The following FBXL13 variants were observed in gnomAD, a reference collection of about 807,000 sequenced individuals.
The protein encoded by FBXL13 is F-box and leucine-rich repeat protein 13.
A neutral mutation model predicts 83.6 loss-of-function variants in FBXL13; 67 were observed. That is an observed-to-expected ratio of 0.80 (90% CI 0.66 to 0.98). The LOEUF is 0.98. Among genes scored for constraint, FBXL13 ranks in the 50% least tolerant of loss-of-function variants. The probability of loss-of-function intolerance (pLI) is 0.00; values close to 1 mark genes in which losing one functional copy is unlikely to be tolerated. For missense variants in FBXL13, 822 were observed against 866.5 expected, an observed-to-expected ratio of 0.95 and a Z score of 0.64; for synonymous variants, 272 against 299.5, an observed-to-expected ratio of 0.91 and a Z score of 0.95.
Position 102,963,674 on chromosome 7 carries a change from A to G in FBXL13, c.592-9T>C, listed in dbSNP as rs1387321366. On this transcript the variant is annotated splice_polypyrimidine_tract_variant and intron_variant, in intron 7 of 19. Coordinates refer to ENST00000313221, the Ensembl canonical transcript of FBXL13. ...ACTGAGGAAAAATCAATCTAAAAAGAATAAACAAAATGCATTAAGAAATGA... is the reference window on the plus strand; with the variant it reads ...ACTGAGGAAAAATCAATCTAAAAAGGATAAACAAAATGCATTAAGAAATGA... 3 of 1,585,708 alleles carry G rather than the reference A, an allele frequency of 1.9e-6. No homozygotes were observed. The East Asian group carries it at 6.7e-5, about 36-fold the overall frequency.
chr7:102,903,939 C>CTTTTCTTTTTTTTTTTTTTTTTT (rs1321420603), intron 11 of FBXL13, among the ~76,000 whole-genome samples: 44 of 43,454 alleles, frequency 1.0e-3, no homozygotes, highest in East Asian at 3.9e-3. Flanking sequence ...CTTTTCTTTT[C>CTTTTCTTTTTTTTTTTTTTTTTT]TTTTTTTTTT....
chr7:102,837,343 T>A (rs1802170952), intron 17 of FBXL13, among the ~76,000 whole-genome samples: 1 of 152,200 alleles, frequency 6.6e-6, no homozygotes, highest in Non-Finnish European at 1.5e-5. Context: ...AGAAGCTCCC[T>A]GTTTTAAAAC....
intron 6 of FBXL13, among the ~76,000 whole-genome samples, chr7:102,968,366 A>T (rs1826223340): frequency 6.6e-6 from 1 of 152,210 alleles, no homozygotes; most frequent in South Asian, 2.1e-4. Context: ...CTTTTAATTG[A>T]TAGTGGCAGA....
chr7:103,002,623 T>C (rs925712347), intron 6 of FBXL13, among the ~76,000 whole-genome samples: 4 of 152,216 alleles, frequency 2.6e-5, no homozygotes, highest in Non-Finnish European at 5.9e-5. Flanking sequence ...TAAGCTTTTG[T>C]TTGCCTGGGA....
intron 16 of FBXL13, among the ~76,000 whole-genome samples, chr7:102,858,989 A>G (rs537099535): frequency 1.4e-4 from 21 of 152,360 alleles, no homozygotes; most frequent in African/African-American, 4.8e-4. Flanking sequence ...GGTGAGTTTT[A>G]TGGTACATGA....
chr7:102,964,404 A>ATATATATT (rs796873670), intron 7 of FBXL13, among the ~76,000 whole-genome samples: 2 of 143,270 alleles, frequency 1.4e-5, no homozygotes, highest in East Asian at 4.1e-4. Context: ...ATATATATAT[A>ATATATATT]TTTTTTTTTT....
At chr7:102,870,514 T>C (rs1808385461) in intron 16 of FBXL13, among the ~76,000 whole-genome samples, 1 of 152,210 alleles carries the variant, frequency 6.6e-6, no homozygotes, top group Non-Finnish European at 1.5e-5. Context: ...TTTGTCATTA[T>C]CATCAGTGAT....
intron 8 of FBXL13, among the ~76,000 whole-genome samples, chr7:102,957,825 A>G (rs577549785): frequency 1.3e-5 from 2 of 152,300 alleles, no homozygotes; most frequent in African/African-American, 4.8e-5. Context: ...GCAAATCAAA[A>G]CCACAATGAG....
At chr7:102,905,221 C>T (rs1018089692) in intron 11 of FBXL13, among the ~76,000 whole-genome samples, 2 of 152,084 alleles carry the variant, frequency 1.3e-5, no homozygotes, top group African/African-American at 4.8e-5. Context: ...TTGAAGTTTC[C>T]AGCTACTATT....
intron 11 of FBXL13, among the ~76,000 whole-genome samples, chr7:102,910,372 T>C (rs1420053435): frequency 1.3e-5 from 2 of 151,532 alleles, no homozygotes; most frequent in Admixed American, 1.3e-4. Flanking sequence ...TGAAGGTGTT[T>C]TTTCTTTTTC....
chr7:102,949,187 A>G (rs1823015500), intron 8 of FBXL13, among the ~76,000 whole-genome samples: 1 of 152,244 alleles, frequency 6.6e-6, no homozygotes, highest in African/African-American at 2.4e-5. Context: ...TGACACACCA[A>G]TAGAGGAACT....
At chr7:103,034,252 G>A (rs1198325442) in intron 2 of FBXL13, among the ~76,000 whole-genome samples, 1 of 152,188 alleles carries the variant, frequency 6.6e-6, no homozygotes, top group East Asian at 1.9e-4. Flanking sequence ...ACACTCCTCA[G>A]CCATTGGGTG....
At chr7:102,911,471 A>T (rs529082332) in intron 11 of FBXL13, among the ~76,000 whole-genome samples, 2 of 152,200 alleles carry the variant, frequency 1.3e-5, no homozygotes, top group East Asian at 3.9e-4. Flanking sequence ...GAGTTTGCAA[A>T]TATTTTTCTC....
chr7:102,956,574 G>GA (rs1229016806), intron 8 of FBXL13, among the ~76,000 whole-genome samples: 5 of 152,136 alleles, frequency 3.3e-5, no homozygotes, highest in African/African-American at 7.2e-5. Context: ...TATTCAGTTA[G>GA]GAAAAGAGGA....
chr7:102,943,664 T>G (rs1284488542), intron 8 of FBXL13, among the ~76,000 whole-genome samples: 1 of 152,132 alleles, frequency 6.6e-6, no homozygotes, highest in Non-Finnish European at 1.5e-5. Context: ...ATTACAGGAA[T>G]CTCATCCCTG....
At chr7:102,959,869 C>T (rs1824898268) in intron 8 of FBXL13, among the ~76,000 whole-genome samples, 1 of 151,850 alleles carries the variant, frequency 6.6e-6, no homozygotes, top group South Asian at 2.1e-4. Flanking sequence ...AATAATTTTA[C>T]AGTATGTAAA....
chr7:103,001,964 A>G (rs1790445802), intron 6 of FBXL13, among the ~76,000 whole-genome samples: 1 of 152,120 alleles, frequency 6.6e-6, no homozygotes, highest in Non-Finnish European at 1.5e-5. Flanking sequence ...ATATATCCAT[A>G]TATCCTATTG....
chr7:102,946,422 TC>T (rs1395369347), intron 8 of FBXL13, among the ~76,000 whole-genome samples: 1 of 152,198 alleles, frequency 6.6e-6, no homozygotes, highest in Non-Finnish European at 1.5e-5. Flanking sequence ...GTAAAAGTTA[TC>T]CTTGTCCATG....
chr7:102,854,586 T>C (rs9690210), intron 17 of FBXL13, among the ~76,000 whole-genome samples, 191 bp downstream of exon 18: 29,744 of 152,210 alleles, frequency 0.2, 3,198 homozygotes, highest in East Asian at 0.43. Flanking sequence ...TCATTAATTT[T>C]GTTGTTTTTA....
Sources: allele counts gnomAD v4.1 joint callset (sites outside exome capture counted in the v4.1 genomes callset), GRCh38; gene constraint gnomAD v4.1.1; transcripts MANE v1.5; gene names NCBI Gene and HGNC (gene_info 2026-07-23, HGNC 2026-07-21).